The following RP1 variants were observed in gnomAD, a reference collection of about 807,000 sequenced individuals.
RP1 encodes the protein RP1 axonemal microtubule associated, also known as oxygen-regulated protein 1.
RP1 carries 16 observed loss-of-function variants against 14.8 expected under a neutral mutation model. That is an observed-to-expected ratio of 1.08 (90% CI 0.73 to 1.65). The LOEUF (loss-of-function observed/expected upper bound fraction) is 1.65. Ranked by LOEUF, RP1 falls within the 40% of genes most tolerant of loss-of-function variation. The pLI is 0.00. For synonymous variants in RP1, 876 were observed against 883.6 expected, an observed-to-expected ratio of 0.99 and a Z score of 0.15; for missense variants, 2,631 against 2,535.0, an observed-to-expected ratio of 1.04 and a Z score of -0.81.
intron 1 of RP1, among the ~76,000 whole-genome samples, chr8:54,582,723 C>G (rs11774047): frequency 0.3 from 45,674 of 151,888 alleles, 8,238 homozygotes; most frequent in Non-Finnish European, 0.41. Context: ...CTTCACATAC[C>G]TTGTAAGTTG....
chr8:54,570,193 G>A (rs1299079516), intron 1 of RP1, among the ~76,000 whole-genome samples: 1 of 152,216 alleles, frequency 6.6e-6, no homozygotes, highest in African/African-American at 2.4e-5. Context: ...CCAGAAGGAA[G>A]CCTGTGCTCC....
rs757143217 is a variant in RP1 at position 54,629,194 on chromosome 8, C to G, written c.5312C>G (p.Ser1771Ter). The G allele has an allele frequency of 8.7e-6, 14 of 1,614,122 alleles. No individual in the cohort carries two copies. Among genetic ancestry groups the G allele is most frequent in the African/African-American group, 1.3e-5 (1 of 75,052 alleles). ...ATGTGTGGCAATGCAGACACCACATCAGTGGACACCCTACTTGATAATAAC... is the reference window on the plus strand; with the variant it reads ...ATGTGTGGCAATGCAGACACCACATGAGTGGACACCCTACTTGATAATAAC... ...PGMCGNADTT[S>*]VDTLLDNNSS... is the part of the protein sequence containing the mutation. Residue 1771 changes from serine to a stop codon, truncating the protein, a stop_gained, in exon 4 of 4, where the codon TCA becomes TGA. Transcript: ENST00000220676. LOFTEE classifies it low-confidence loss of function (END_TRUNC).
At chr8:54,595,132 AT>A (rs1290366781) in intron 1 of RP1, among the ~76,000 whole-genome samples, 438 of 141,316 alleles carry the variant, frequency 3.1e-3, no homozygotes, top group South Asian at 9.7e-3. Context: ...TCCTCCAAAC[AT>A]TTTTTTTTTT....
At chr8:54,594,015 G>A (rs759161747) in intron 1 of RP1, among the ~76,000 whole-genome samples, 28 of 151,910 alleles carry the variant, frequency 1.8e-4, no homozygotes, top group South Asian at 6.2e-4. Context: ...TGAACTCTGA[G>A]AGAACTTGGG....
At chr8:54,649,956 T>C (rs930985075) in intron 4 of RP1, among the ~76,000 whole-genome samples, 3 of 152,232 alleles carry the variant, frequency 2.0e-5, no homozygotes, top group African/African-American at 7.2e-5. Flanking sequence ...TTAAAGACAC[T>C]CTTGTGTTTA....
At chr8:54,725,125 C>T (rs1808624137) in intron 16 of RP1, among the ~76,000 whole-genome samples, 1 of 152,176 alleles carries the variant, frequency 6.6e-6, no homozygotes, top group South Asian at 2.1e-4. Flanking sequence ...ATTTGTTCCT[C>T]ATGCTATACA....
At chr8:54,664,729 G>A (rs564245325) in intron 7 of RP1, among the ~76,000 whole-genome samples, 1 of 152,116 alleles carries the variant, frequency 6.6e-6, no homozygotes, top group East Asian at 1.9e-4. Flanking sequence ...TTTAGGGTTG[G>A]GTTATTTGTA....
At chr8:54,699,587 C>T in intron 13 of RP1, 1 of 1,246,384 alleles carries the variant, frequency 8.0e-7, no homozygotes, top group Non-Finnish European at 1.1e-6. Flanking sequence ...AGTAAATTTT[C>T]TTTTTGCCAT....
chr8:54,797,050 TAGAG>T (rs998517364), intron 24 of RP1, among the ~76,000 whole-genome samples: 5 of 152,086 alleles, frequency 3.3e-5, no homozygotes, highest in African/African-American at 9.7e-5. Context: ...AAGCAGGTAT[TAGAG>T]AGAGCACAAC....
rs1585533025 is a variant in RP1 at position 54,590,967 on chromosome 8, T to C, written c.-12-29988T>C. Reference sequence around the variant, plus strand: ...TCATACCCAAACCTAAAGGTTAAACTTGAATCCTTTCTTTATCCTATAACC... The same window carrying C: ...TCATACCCAAACCTAAAGGTTAAACCTGAATCCTTTCTTTATCCTATAACC... On this transcript the variant is annotated intron_variant, in intron 1 of 22. Coordinates refer to the RP1 transcript ENST00000636932. Among the ~76,000 whole-genome samples, 7 of 152,378 alleles carry C rather than the reference T, an allele frequency of 4.6e-5. No individual in the cohort carries two copies. The South Asian group carries it at 1.4e-3, about 32-fold the overall frequency.
At chr8:54,693,228 G>C (rs1102367) in intron 12 of RP1, among the ~76,000 whole-genome samples, 1 of 151,606 alleles carries the variant, frequency 6.6e-6, no homozygotes, top group Non-Finnish European at 1.5e-5. Flanking sequence ...TAGCCTTGTA[G>C]TATAGTTTGA....
intron 1 of RP1, among the ~76,000 whole-genome samples, chr8:54,587,228 C>T (rs1465716191): frequency 6.6e-6 from 1 of 152,198 alleles, no homozygotes; most frequent in Non-Finnish European, 1.5e-5. Context: ...GAGTTTGAGA[C>T]CGGCCTGGCC....
rs761646580 is a variant in RP1, at chr8:54,621,114, G to C, written c.148G>C (p.Gly50Arg). The C allele has an allele frequency of 3.2e-5, 52 of 1,614,012 alleles. No homozygotes were observed. The highest frequency in any genetic ancestry group is 4.4e-5 in the Non-Finnish European group (52 of 1,180,034). ...FYKSGDPQFG[G>R]VRVVVNPRSF... ...CAAGAGCGGAGACCCCCAATTCGGC[G>C]GGGTCAGGGTGGTGGTCAACCCTCG... Residue 50 changes from glycine to arginine, a missense_variant, in exon 2 of 4, where the codon GGG becomes CGG. Coordinates refer to ENST00000220676, the MANE Select transcript of RP1 (RefSeq NM_006269.2).
intron 12 of RP1, chr8:54,696,423 A>G (rs78743284): frequency 0.018 from 12,688 of 724,178 alleles, 226 homozygotes; most frequent in African/African-American, 0.065. Context: ...CAAAGAAAAA[A>G]TCCCTTTGTT....
rs528938700 is a variant in RP1 at position 54,849,196 on chromosome 8, G to A, written c.3836-3378G>A. 6.7e-4 allele frequency among the ~76,000 whole-genome samples: 102 copies of A among 152,108 alleles called. 1 individual carries two copies. The highest frequency in any genetic ancestry group is 2.4e-3 in the African/African-American group (100 of 41,470). On this transcript the variant is annotated intron_variant, in intron 25 of 28. Coordinates refer to the RP1 transcript ENST00000637698. Reference sequence around the variant, plus strand: ...TGCCAACACCTGGAACTCTGAAGGAGGCTACAGTTCACCTGTGCATTCTTA... The same window carrying A: ...TGCCAACACCTGGAACTCTGAAGGAAGCTACAGTTCACCTGTGCATTCTTA...
At chr8:54,734,949 G>A (rs1456590035) in intron 18 of RP1, among the ~76,000 whole-genome samples, 1 of 151,732 alleles carries the variant, frequency 6.6e-6, no homozygotes, top group East Asian at 1.9e-4. Context: ...GAAAGTTGTA[G>A]AAAAATTTGC....
At chr8:54,660,392 A>G (rs1806859854) in intron 6 of RP1, among the ~76,000 whole-genome samples, 1 of 152,090 alleles carries the variant, frequency 6.6e-6, no homozygotes, top group Admixed American at 6.5e-5. Context: ...TCAAGGAAGG[A>G]TGTTGGATTA....
chr8:54,832,866 C>T (rs544900155), intron 24 of RP1, among the ~76,000 whole-genome samples: 21 of 152,054 alleles, frequency 1.4e-4, no homozygotes, highest in African/African-American at 4.8e-4. Flanking sequence ...ATGTAGTTGT[C>T]ATTTCTAATG....
chr8:54,766,970 G>C (rs554697413), intron 22 of RP1, among the ~76,000 whole-genome samples: 1 of 152,094 alleles, frequency 6.6e-6, no homozygotes, highest in Non-Finnish European at 1.5e-5. Context: ...TCTCCCATCT[G>C]TTCATTGGCT....
Sources: allele counts gnomAD v4.1 joint callset (sites outside exome capture counted in the v4.1 genomes callset), GRCh38; gene constraint gnomAD v4.1.1; transcripts MANE v1.5; gene names NCBI Gene and HGNC (gene_info 2026-07-23, HGNC 2026-07-21).